Variants in RHOT1 observed in about 807,000 individuals in gnomAD.
The protein encoded by RHOT1 is mitochondrial Rho GTPase 1.
In RHOT1, 27 loss-of-function variants were observed where a neutral mutation model predicts 95.3. The observed-to-expected ratio is 0.28, with a 90% CI of 0.21 to 0.39. RHOT1 has a LOEUF of 0.39. RHOT1 is among the 10% of genes least tolerant of loss of function. RHOT1 has a pLI of 1.00. For synonymous variants in RHOT1, 227 were observed against 263.5 expected (o/e 0.86, Z 1.34); for missense variants, 578 against 786.7 (o/e 0.73, Z 3.17).
In RHOT1 at chr17:32,142,654, G is replaced by T. The variant is rs2142317452; in HGVS notation, c.-39G>T. ...GCTCCTGGTGAGAGGAGTCCACTCC[G>T]TGCGTGCGGGCGGAGGCCGGCCCCC... is the stretch of plus-strand genomic sequence containing the variant. On this transcript the variant is annotated 5_prime_UTR_variant, in exon 1 of 20. Coordinates refer to ENST00000545287, the MANE Select transcript of RHOT1 (RefSeq NM_001033566.3). 2.0e-6 allele frequency: 3 copies of T among 1,515,998 alleles called. No individual in the cohort carries two copies. The East Asian group carries it at 7.5e-5, about 38-fold the overall frequency. The allele number at this position is 1,515,998 out of a possible 1,614,324, so 93.9% of individuals were successfully genotyped here.
Position 32,207,031 on chromosome 17 carries a change from T to G in RHOT1, c.1536+2T>G. ...GAATACTGTGCCAGGATTTTTAAGG[T>G]TTGTTGCTCCTACAGACTATGACTG... On this transcript the variant is annotated splice_donor_variant, in intron 17 of 19. Transcript: ENST00000545287. LOFTEE classifies it high-confidence loss of function. The G allele has an allele frequency of 6.2e-7, 1 of 1,608,152 alleles. No individual in the cohort carries two copies. The highest frequency in any genetic ancestry group is 8.5e-7 in the Non-Finnish European group (1 of 1,178,090).
chr17:32,154,973 A>G (rs2032791147), intron 1 of RHOT1, among the ~76,000 whole-genome samples: 1 of 151,698 alleles, frequency 6.6e-6, no homozygotes, highest in African/African-American at 2.4e-5. Flanking sequence ...GGTCCCACCT[A>G]CTTGAGAGGC....
At chr17:32,216,193 C>T (rs1314599641) in intron 19 of RHOT1, among the ~76,000 whole-genome samples, 2 of 152,018 alleles carry the variant, frequency 1.3e-5, no homozygotes, top group Non-Finnish European at 2.9e-5. Context: ...GTATCGTGAA[C>T]TTTAATTTGT....
chr17:32,184,270 C>T (rs1159327714), intron 8 of RHOT1, among the ~76,000 whole-genome samples: 1 of 152,128 alleles, frequency 6.6e-6, no homozygotes, highest in Admixed American at 6.6e-5. Flanking sequence ...TGGCCACCAC[C>T]AGTCTACCTT....
chr17:32,147,300 C>G (rs913845002), intron 1 of RHOT1, among the ~76,000 whole-genome samples: 3 of 152,086 alleles, frequency 2.0e-5, no homozygotes, highest in Non-Finnish European at 2.9e-5. Flanking sequence ...CCACCTTGGC[C>G]TCCTGAAGTG....
At chr17:32,199,280 A>G in intron 12 of RHOT1, 125 bp from the exon 13 acceptor site, 1 of 916,102 alleles carries the variant, frequency 1.1e-6, no homozygotes, top group African/African-American at 1.7e-5. Context: ...TCTTGATAAA[A>G]TGTAAAATTT....
intron 1 of RHOT1, among the ~76,000 whole-genome samples, chr17:32,152,600 A>AG (rs1555546461): frequency 2.0e-5 from 3 of 151,880 alleles, no homozygotes; most frequent in African/African-American, 4.8e-5. Flanking sequence ...TGAAAAAAAA[A>AG]AGAGAGAGAG....
intron 5 of RHOT1, 59 bp downstream of exon 5, chr17:32,176,074 T>G: frequency 6.3e-7 from 1 of 1,578,654 alleles, no homozygotes; most frequent in South Asian, 1.1e-5. Flanking sequence ...CAAAGTTGAT[T>G]CTCAGTTTAG....
intron 1 of RHOT1, among the ~76,000 whole-genome samples, chr17:32,144,833 C>A (rs1449065138): frequency 2.0e-5 from 3 of 150,214 alleles, no homozygotes; most frequent in South Asian, 4.2e-4. Flanking sequence ...AAAAAAAAAA[C>A]CACAACACTA....
chr17:32,163,802 A>G (rs1304303421), intron 1 of RHOT1, among the ~76,000 whole-genome samples: 2 of 152,148 alleles, frequency 1.3e-5, no homozygotes, highest in African/African-American at 2.4e-5. Context: ...GTCTGTTACA[A>G]TGTAATGTAA....
Position 32,168,170 on chromosome 17 carries a change from C to T in RHOT1, c.38-2873C>T, listed in dbSNP as rs137864925. Among the ~76,000 whole-genome samples the T allele has an allele frequency of 4.2e-3, 637 of 152,064 alleles. 3 individuals carry two copies. Among genetic ancestry groups the T allele is most frequent in the Non-Finnish European group, 6.6e-3 (447 of 67,996 alleles). On this transcript the variant is annotated intron_variant, in intron 1 of 19. Coordinates refer to ENST00000545287, the MANE Select transcript of RHOT1 (RefSeq NM_001033566.3). ...GCTCACTGACAATACACCTGGTCAC[C>T]CAAGAGCTCAGATGGAGACGTACAA... is the stretch of plus-strand genomic sequence containing the variant.
chr17:32,149,631 A>ATGTGTGTGTGTGTGTGTGTGTG (rs1417047494), intron 1 of RHOT1, among the ~76,000 whole-genome samples: 17 of 88,140 alleles, frequency 1.9e-4, no homozygotes, highest in East Asian at 3.2e-4. Context: ...ATATATATAT[A>ATGTGTGTGTGTGTGTGTGTGTG]TATATGTGTG....
intron 1 of RHOT1, chr17:32,150,799 G>C (rs2032182707): frequency 6.4e-7 from 1 of 1,557,212 alleles, no homozygotes; most frequent in Non-Finnish European, 8.8e-7. Flanking sequence ...AGTGAAGGTA[G>C]AGTTCCATGC....
At chr17:32,165,026 AAAAAC>A (rs1002576043) in intron 1 of RHOT1, among the ~76,000 whole-genome samples, 5 of 151,654 alleles carry the variant, frequency 3.3e-5, no homozygotes, top group African/African-American at 4.8e-5. Context: ...CAAAAAACAA[AAAAAC>A]AAAACAAAAC....
Position 32,208,165 on chromosome 17 carries a change from A to G in RHOT1, c.1595A>G (p.His532Arg), listed in dbSNP as rs1306822043. The G allele has an allele frequency of 1.1e-5, 17 of 1,614,160 alleles. No homozygotes were observed. Among genetic ancestry groups the G allele is most frequent in the Non-Finnish European group, 1.4e-5 (16 of 1,179,980 alleles). Reference protein sequence around the residue: ...CLIVAAKSDLHEVKQEYSISP... With the variant: ...CLIVAAKSDLREVKQEYSISP... ...ATCGTAGCTGCAAAGTCAGACCTGC[A>G]TGAAGTTAAACAAGAATACAGTATT... The change falls in exon 18 of 20, where the codon CAT (histidine) becomes CGT (arginine). Residue 532 changes from histidine (H) to arginine (R), a missense_variant. His to Arg is a conservative substitution (Grantham distance 29, BLOSUM62 0). Coordinates refer to ENST00000545287, the MANE Select transcript of RHOT1 (RefSeq NM_001033566.3).
At chr17:32,199,328 T>TTAAA in intron 12 of RHOT1, 77 bp from the exon 13 acceptor site, 2 of 1,373,384 alleles carry the variant, frequency 1.5e-6, no homozygotes, top group Non-Finnish European at 2.0e-6. Context: ...AGCATAGCTT[T>TTAAA]ACTAGATTGG....
At chr17:32,192,330 A>ATT in intron 9 of RHOT1, 31 bp downstream of exon 9, 2 of 776,078 alleles carry the variant, frequency 2.6e-6, no homozygotes, top group South Asian at 1.7e-5. Flanking sequence ...ACATTTGCGT[A>ATT]TCTTTTTTTT....
chr17:32,162,412 C>T (rs2033648839), intron 1 of RHOT1, among the ~76,000 whole-genome samples: 1 of 152,192 alleles, frequency 6.6e-6, no homozygotes, highest in African/African-American at 2.4e-5. Context: ...GAAATTTTAA[C>T]ATTTTATTTT....
intron 1 of RHOT1, among the ~76,000 whole-genome samples, chr17:32,152,980 T>C (rs534168644): frequency 2.6e-5 from 4 of 152,228 alleles, no homozygotes; most frequent in Non-Finnish European, 5.9e-5. Context: ...TTTTAAATTT[T>C]TTGTAGAGAT....
Sources: gnomAD v4.1 joint callset for allele counts (sites outside exome capture counted in the v4.1 genomes callset) on GRCh38, gnomAD v4.1.1 for gene constraint, MANE v1.5 for transcripts, NCBI Gene and HGNC (gene_info 2026-07-23, HGNC 2026-07-21) for gene names.